SERPINB12: variants seen among roughly 807,000 people sequenced by gnomAD.
SERPINB12 encodes the protein serpin family B member 12.
Under a neutral mutation model 41.1 loss-of-function variants are expected in SERPINB12, and 57 were observed. The ratio of observed to expected loss-of-function variants is 1.39; its 90% CI spans 1.12 to 1.73. The LOEUF (loss-of-function observed/expected upper bound fraction) is 1.73. Ranked by LOEUF, SERPINB12 falls within the 40% of genes most tolerant of loss-of-function variation. The pLI is 0.00. For missense variants in SERPINB12, 536 were observed against 501.9 expected (o/e 1.07, Z -0.65); for synonymous variants, 180 against 181.3 (o/e 0.99, Z 0.06).
chr18:63,558,043 A>G (rs940941361), intron 2 of SERPINB12, among the ~76,000 whole-genome samples: 1 of 152,068 alleles, frequency 6.6e-6, no homozygotes, highest in Non-Finnish European at 1.5e-5. Flanking sequence ...TGTATTTTGC[A>G]CTTACAGTCA....
the SERPINB12 span, among the ~76,000 whole-genome samples, chr18:63,529,939 T>TA: frequency 6.6e-6 from 1 of 152,070 alleles, no homozygotes. Context: ...CCATGACAAT[T>TA]AAAAAACCTA....
At chr18:63,532,718 G>T in the SERPINB12 span, among the ~76,000 whole-genome samples, 2 of 152,076 alleles carry the variant, frequency 1.3e-5, no homozygotes, top group African/African-American at 2.4e-5. Context: ...TTTGCTGAGG[G>T]GTTGCTAACC....
At chr18:63,534,981 T>C in the SERPINB12 span, among the ~76,000 whole-genome samples, 1 of 152,174 alleles carries the variant, frequency 6.6e-6, no homozygotes, top group Non-Finnish European at 1.5e-5. Flanking sequence ...AAAGGAAGAA[T>C]ATTTTTCTTA....
At chr18:63,521,484 G>A in the SERPINB12 span, among the ~76,000 whole-genome samples, 1 of 152,250 alleles carries the variant, frequency 6.6e-6, no homozygotes, top group African/African-American at 2.4e-5. Flanking sequence ...TGGAAGGAGT[G>A]GCTCTTGACT....
chr18:63,556,163 G>C lies in SERPINB12; in HGVS notation c.4G>C (p.Asp2His). The change falls in exon 2 of 8, where the codon GAC becomes CAC. Residue 2 changes from aspartate to histidine, a missense_variant. Asp to His is a moderately conservative substitution (Grantham distance 81, BLOSUM62 -1). Transcript: ENST00000382768. ...TTAGATCGTTATAAGTTTTACAATG[G>C]ACTCTCTTGTTACAGCAAACACCAA... is the stretch of plus-strand genomic sequence containing the variant. M[D>H]SLVTANTKFC... 1 of 1,612,190 alleles carries C rather than the reference G, an allele frequency of 6.2e-7. No homozygotes were observed. Among genetic ancestry groups the C allele is most frequent in the Non-Finnish European group, 8.5e-7 (1 of 1,178,906 alleles).
chr18:63,568,836 G>A lies in SERPINB12; in HGVS notation c.*1825G>A, dbSNP rs1911203135. 6.6e-6 allele frequency among the ~76,000 whole-genome samples: 1 copy of A among 152,180 alleles called. No homozygotes were observed. The highest frequency in any genetic ancestry group is 2.1e-4 in the South Asian group (1 of 4,828). Reference sequence around the variant, plus strand: ...TTGTGCTCTGAGAGACAAGTTCCATGTTCTCCATACAACCTTCTCATTGTT... The same window carrying A: ...TTGTGCTCTGAGAGACAAGTTCCATATTCTCCATACAACCTTCTCATTGTT... On this transcript the variant is annotated 3_prime_UTR_variant, in exon 8 of 8. Transcript: ENST00000382768.
At chr18:63,564,239 T>C (rs1911019572) in intron 6 of SERPINB12, 119 bp downstream of exon 6, 5 of 1,092,136 alleles carry the variant, frequency 4.6e-6, no homozygotes, top group African/African-American at 3.2e-5. Context: ...ACATTTTTCG[T>C]TGATAAGAAC....
At chr18:63,554,741 C>G (rs557363496) in intron 1 of SERPINB12, among the ~76,000 whole-genome samples, 3 of 152,174 alleles carry the variant, frequency 2.0e-5, no homozygotes, top group Non-Finnish European at 4.4e-5. Flanking sequence ...TAGTTCTACA[C>G]TGTCAAAGAG....
the SERPINB12 span, among the ~76,000 whole-genome samples, chr18:63,525,248 C>T: frequency 6.6e-5 from 10 of 152,112 alleles, no homozygotes; most frequent in South Asian, 4.1e-4. Flanking sequence ...TTTTCTATGC[C>T]TTTCTTATAA....
At chr18:63,565,656 A>T in intron 7 of SERPINB12, 44 bp downstream of exon 7, 1 of 1,547,470 alleles carries the variant, frequency 6.5e-7, no homozygotes, top group Non-Finnish European at 8.8e-7. Flanking sequence ...TTAATGATAG[A>T]TCTTTAGAGA....
At chr18:63,532,163 T>A in the SERPINB12 span, among the ~76,000 whole-genome samples, 1 of 152,174 alleles carries the variant, frequency 6.6e-6, no homozygotes. Context: ...ATCCTTTCAG[T>A]GGTAGACACC....
chr18:63,556,409 G>C, intron 2 of SERPINB12, 82 bp downstream of exon 2: 1 of 1,359,366 alleles, frequency 7.4e-7, no homozygotes, highest in Non-Finnish European at 1.0e-6. Context: ...ACTTAGGCAA[G>C]CCAAGGGGCT....
intron 4 of SERPINB12, among the ~76,000 whole-genome samples, chr18:63,560,480 A>G (rs1365297462): frequency 2.0e-5 from 3 of 152,232 alleles, no homozygotes; most frequent in East Asian, 3.8e-4. Flanking sequence ...TAGCCTTTTG[A>G]TGAGCTATAA....
chr18:63,534,896 A>G, the SERPINB12 span, among the ~76,000 whole-genome samples: 1 of 152,232 alleles, frequency 6.6e-6, no homozygotes, highest in Non-Finnish European at 1.5e-5. Flanking sequence ...ATTATGACCA[A>G]CAAAAGAGTG....
Position 63,558,366 on chromosome 18 carries a change from C to T in SERPINB12, c.183C>T (p.Asn61=), listed in dbSNP as rs144275600. The T allele has an allele frequency of 3.5e-5, 57 of 1,613,454 alleles. No individual in the cohort carries two copies. Among genetic ancestry groups the T allele is most frequent in the Middle Eastern group, 3.3e-4 (2 of 6,076 alleles). The part of the protein sequence containing the change: ...AHQIDEVLHF[N]EFSQNESKEP... ...TTATCATGCAGGTACTACACTTCAA[C>T]GAATTTTCCCAGAATGAAAGCAAAG... The change falls in exon 3 of 8, where the codon AAC becomes AAT. Residue 61 remains asparagine (N), a synonymous_variant. Coordinates refer to ENST00000382768, the MANE Select transcript of SERPINB12 (RefSeq NM_001307928.2).
intron 5 of SERPINB12, among the ~76,000 whole-genome samples, chr18:63,563,065 G>A (rs1215902139): frequency 6.6e-6 from 1 of 152,194 alleles, no homozygotes; most frequent in Non-Finnish European, 1.5e-5. Flanking sequence ...CTTCTTGGCT[G>A]TGTGACTTCA....
At chr18:63,556,557 C>G (rs998967924) in intron 2 of SERPINB12, among the ~76,000 whole-genome samples, 1 of 152,152 alleles carries the variant, frequency 6.6e-6, no homozygotes, top group Non-Finnish European at 1.5e-5. Context: ...TGCTCCTCAA[C>G]TTCATGTCTG....
At position 63,566,937 on chromosome 18, in the gene SERPINB12, C is replaced by T. The variant is rs1911128276; in HGVS notation, c.1204C>T (p.His402Tyr). 6.2e-7 allele frequency: 1 copy of T among 1,613,844 alleles called. No homozygotes were observed. Among genetic ancestry groups the T allele is most frequent in the Middle Eastern group, 1.7e-4 (1 of 6,058 alleles). ...LRSWVEFNAN[H>Y]PFLFFIRHNK... ...ATCTTGGGTGGAGTTTAATGCCAAC[C>T]ACCCTTTTCTCTTTTTCATTAGACA... Residue 402 changes from histidine (H) to tyrosine (Y), a missense_variant, in exon 8 of 8, where the codon CAC (histidine) becomes TAC (tyrosine). Transcript: ENST00000382768.
Position 63,567,435 on chromosome 18 carries a change from G to C in SERPINB12, c.*424G>C, listed in dbSNP as rs1911149926. Among the ~76,000 whole-genome samples the C allele has an allele frequency of 6.6e-6, 1 of 152,026 alleles. No individual in the cohort carries two copies. Among genetic ancestry groups the C allele is most frequent in the African/African-American group, 2.4e-5 (1 of 41,420 alleles). Reference sequence around the variant, plus strand: ...CTCAGCTCTGTTTCTGGGGTAGTTTGACCGGAACGTGTTTGGAAACTCAGC... The same window carrying C: ...CTCAGCTCTGTTTCTGGGGTAGTTTCACCGGAACGTGTTTGGAAACTCAGC... On this transcript the variant is annotated 3_prime_UTR_variant, in exon 8 of 8. Coordinates refer to ENST00000382768, the MANE Select transcript of SERPINB12 (RefSeq NM_001307928.2).
Sources: gnomAD v4.1 joint callset for allele counts (sites outside exome capture counted in the v4.1 genomes callset) on GRCh38, gnomAD v4.1.1 for gene constraint, MANE v1.5 for transcripts, NCBI Gene and HGNC (gene_info 2026-07-23, HGNC 2026-07-21) for gene names.